Variants in MYT1L observed in about 807,000 individuals in gnomAD.
MYT1L encodes myelin transcription factor 1-like protein.
Under a neutral mutation model 126.7 loss-of-function variants are expected in MYT1L, and 12 were observed. That is an observed-to-expected ratio of 0.09 (90% CI 0.06 to 0.15). The LOEUF is 0.15. Among genes scored for constraint, MYT1L ranks in the 10% least tolerant of loss-of-function variants. The pLI, the probability that MYT1L is intolerant of heterozygous loss-of-function variation, is 1.00. For synonymous variants in MYT1L, 541 were observed against 604.2 expected, an observed-to-expected ratio of 0.90 and a Z score of 1.53; for missense variants, 979 against 1,585.2, an observed-to-expected ratio of 0.62 and a Z score of 6.49.
intron 8 of MYT1L, among the ~76,000 whole-genome samples, chr2:1,951,803 T>C (rs1213731910): frequency 6.6e-6 from 1 of 152,218 alleles, no homozygotes; most frequent in Non-Finnish European, 1.5e-5. Context: ...TCTTATTTCC[T>C]TTCTCATGTC....
chr2:2,243,718 T>C (rs2094479823), intron 2 of MYT1L, among the ~76,000 whole-genome samples: 1 of 152,210 alleles, frequency 6.6e-6, no homozygotes, highest in Non-Finnish European at 1.5e-5. Flanking sequence ...GGAATCCAAA[T>C]GAGTGTCTGT....
At position 2,104,302 on chromosome 2, in the gene MYT1L, CAATT is replaced by C. The variant is rs1270283843; in HGVS notation, c.-303-50183_-303-50180del. 5.9e-5 allele frequency among the ~76,000 whole-genome samples: 9 copies of C among 152,280 alleles called. No homozygotes were observed. The South Asian group carries it at 1.7e-3, about 28-fold the overall frequency. On this transcript the variant is annotated intron_variant, in intron 3 of 24. Transcript: ENST00000647738. ...ACACATTTCACAGAGGTGTTAATCT[CAATT>C]GATGATGATAAGATACTTTGAAGTT...
chr2:2,291,295 T>C lies in MYT1L; in HGVS notation c.-520-6792A>G, dbSNP rs150844430. 5.1e-3 allele frequency among the ~76,000 whole-genome samples: 772 copies of C among 152,302 alleles called. 8 individuals are homozygous for C. The highest frequency in any genetic ancestry group is 0.018 in the African/African-American group (732 of 41,560). On this transcript the variant is annotated intron_variant, in intron 1 of 24. Transcript: ENST00000647738. ...AAACCAGTGATTTGTGATTTGAGCT[T>C]AAATCTCTTTATGATATAAAATGAA...
chr2:1,965,592 C>T (rs532313117), intron 8 of MYT1L, among the ~76,000 whole-genome samples: 1 of 152,246 alleles, frequency 6.6e-6, no homozygotes, highest in Non-Finnish European at 1.5e-5. Context: ...GGTCCCATCG[C>T]CCCTGCCCTG....
intron 9 of MYT1L, among the ~76,000 whole-genome samples, chr2:1,927,229 C>T (rs2054354487): frequency 6.6e-6 from 1 of 151,998 alleles, no homozygotes; most frequent in Non-Finnish European, 1.5e-5. Context: ...TGGCTGATCT[C>T]ATGGGCTCTT....
intron 2 of MYT1L, among the ~76,000 whole-genome samples, chr2:2,218,643 G>T (rs1156236954): frequency 8.6e-6 from 1 of 116,232 alleles, no homozygotes; most frequent in East Asian, 2.5e-4. Context: ...CTGTGGTGAT[G>T]CATGGGGATC....
intron 18 of MYT1L, among the ~76,000 whole-genome samples, chr2:1,878,384 T>C (rs561659525): frequency 1.0e-3 from 156 of 152,328 alleles, no homozygotes; most frequent in South Asian, 1.9e-3. Flanking sequence ...GCCAGATGCT[T>C]AAAAAATATA....
intron 21 of MYT1L, among the ~76,000 whole-genome samples, chr2:1,813,156 T>C (rs1224643149): frequency 3.3e-5 from 5 of 152,170 alleles, no homozygotes; most frequent in Non-Finnish European, 5.9e-5. Context: ...GCGAATGGCA[T>C]TGAGGGGCCA....
chr2:2,104,112 T>A (rs1474746983), intron 3 of MYT1L, among the ~76,000 whole-genome samples: 1 of 152,242 alleles, frequency 6.6e-6, no homozygotes, highest in Non-Finnish European at 1.5e-5. Context: ...TTCATGAACA[T>A]GAGAACAATT....
chr2:2,234,979 C>A (rs2094252082), intron 2 of MYT1L, among the ~76,000 whole-genome samples: 1 of 152,190 alleles, frequency 6.6e-6, no homozygotes, highest in Non-Finnish European at 1.5e-5. Context: ...TGGCTCCTCA[C>A]CCTGGACCTC....
chr2:2,098,248 A>G (rs1460464274), intron 3 of MYT1L, among the ~76,000 whole-genome samples: 3 of 152,122 alleles, frequency 2.0e-5, no homozygotes, highest in Non-Finnish European at 4.4e-5. Flanking sequence ...TTCTTTCCTC[A>G]TGGCTTTTAT....
intron 14 of MYT1L, among the ~76,000 whole-genome samples, chr2:1,902,057 CA>C (rs1359768306): frequency 6.6e-6 from 1 of 152,208 alleles, no homozygotes; most frequent in African/African-American, 2.4e-5. Flanking sequence ...TCTAAATCAT[CA>C]GAACATTTAC....
At chr2:2,115,202 T>C (rs558885404) in intron 3 of MYT1L, among the ~76,000 whole-genome samples, 16 of 152,244 alleles carry the variant, frequency 1.1e-4, no homozygotes, top group African/African-American at 1.7e-4. Context: ...ATTGAAATCT[T>C]TGTAAAATAC....
rs11448419 is a variant in MYT1L at position 1,862,268 on chromosome 2, TA to T, written c.2712-10566del. ...CAGACTTAATTTTTCAAGAGGTTTT[TA>T]AAAAAAAATCAAAAAATCTTTATTT... On this transcript the variant is annotated intron_variant, in intron 18 of 24. Coordinates refer to ENST00000647738, the MANE Select transcript of MYT1L (RefSeq NM_001303052.2). Among the ~76,000 whole-genome samples, 97 of 151,794 alleles carry T rather than the reference TA, an allele frequency of 6.4e-4. No individual in the cohort carries two copies. In the East Asian group the frequency reaches 0.011, roughly 17 times the overall value.
rs2048297983 is a variant in MYT1L at position 1,887,399 on chromosome 2, G to A, written c.2642+89C>T. 3.9e-6 allele frequency: 6 copies of A among 1,542,304 alleles called. No homozygotes were observed. In the South Asian group the frequency reaches 6.9e-5, roughly 18 times the overall value. On this transcript the variant is annotated intron_variant, in intron 17 of 24. Transcript: ENST00000647738. This position sits in a 1 kb window ranked among gnomAD's most constrained non-coding sequence, Gnocchi z 4.8. ...GCTGCGAATGTCGCATGCTCAAACG[G>A]CAAGGCATATACAGATCCAGTTTTA...
chr2:2,005,809 C>T (rs2063245070), intron 4 of MYT1L, among the ~76,000 whole-genome samples: 4 of 135,766 alleles, frequency 2.9e-5, no homozygotes, highest in Non-Finnish European at 3.1e-5. Flanking sequence ...TGTGCCTTTC[C>T]TGCATGCGTT....
rs201935161 is a variant in MYT1L at position 2,217,669 on chromosome 2, TCAA to T, written c.-420-44684_-420-44682del. Among the ~76,000 whole-genome samples the T allele has an allele frequency of 4.3e-3, 399 of 92,158 alleles. 10 individuals carry two copies. The highest frequency in any genetic ancestry group is 0.036 in the East Asian group (132 of 3,688). The allele number at this position is 92,158 out of a possible 152,430, so 60.5% of individuals were successfully genotyped here. A position where few individuals can be genotyped will look rare whatever the true frequency, so the allele number is the denominator to read the frequency against. ...CTGGGGGACAGAACAAAACTCCATCTCAACAACAACAACAACAACAACAACAAC... is the reference window on the plus strand; with the variant it reads ...CTGGGGGACAGAACAAAACTCCATCTCAACAACAACAACAACAACAACAAC... On this transcript the variant is annotated intron_variant, in intron 2 of 24. Transcript: ENST00000647738.
chr2:2,180,586 CTATG>C (rs996901162), intron 2 of MYT1L, among the ~76,000 whole-genome samples: 18 of 148,454 alleles, frequency 1.2e-4, no homozygotes, highest in East Asian at 4.0e-4. Context: ...GTGTGTGCGC[CTATG>C]TGTGTACCTG....
At chr2:2,309,723 A>G (rs960674383) in intron 1 of MYT1L, among the ~76,000 whole-genome samples, 3 of 151,768 alleles carry the variant, frequency 2.0e-5, no homozygotes, top group African/African-American at 7.3e-5. Context: ...ACACTTCAGT[A>G]TACTCTATCT....
Sources: gnomAD v4.1 joint callset for allele counts (sites outside exome capture counted in the v4.1 genomes callset) on GRCh38, gnomAD v4.1.1 for gene constraint, Gnocchi (gnomAD v3.1) non-coding constraint, MANE v1.5 for transcripts, NCBI Gene and HGNC (gene_info 2026-07-23, HGNC 2026-07-21) for gene names.